CLK1: variants seen among roughly 807,000 people sequenced by gnomAD.
The protein encoded by CLK1 is dual specificity protein kinase CLK1.
Under a neutral mutation model 60.9 loss-of-function variants are expected in CLK1, and 40 were observed. The ratio of observed to expected loss-of-function variants is 0.66; its 90% CI spans 0.51 to 0.86. CLK1 has a LOEUF of 0.86. Ranked by LOEUF, CLK1 falls within the 40% of genes least tolerant of loss-of-function variation. The probability of loss-of-function intolerance (pLI) is 0.00; values close to 1 mark genes in which losing one functional copy is unlikely to be tolerated. For synonymous variants in CLK1, 203 were observed against 184.4 expected (o/e 1.10, Z -0.82); for missense variants, 563 against 606.1 (o/e 0.93, Z 0.75).
intron 4 of CLK1, 116 bp downstream of exon 4, chr2:200,860,009 A>C (rs1039770279): frequency 4.7e-5 from 69 of 1,479,024 alleles, no homozygotes; most frequent in Non-Finnish European, 6.2e-5. Context: ...GAAATGGAAA[A>C]ATAAAACAAA....
intron 1 of CLK1, chr2:200,864,035 C>G: frequency 6.8e-7 from 1 of 1,469,152 alleles, no homozygotes; most frequent in Non-Finnish European, 9.1e-7. Flanking sequence ...GCGATGTTTA[C>G]GCCGACACTT....
Position 200,853,678 on chromosome 2 carries a change from T to TGG in CLK1, c.1311+224_1311+225insCC, listed in dbSNP as rs199669278. ...CAACATAGTAAAACTTGTCTTTACTTGAAAAAAAAAAAAAAAAAAAAAAAA... is the reference window on the plus strand; with the variant it reads ...CAACATAGTAAAACTTGTCTTTACTTGGGAAAAAAAAAAAAAAAAAAAAAAAA... On this transcript the variant is annotated intron_variant, in intron 12 of 12. Transcript: ENST00000321356. 1.1e-4 allele frequency among the ~76,000 whole-genome samples: 7 copies of TGG among 63,450 alleles called. No individual in the cohort carries two copies. In the East Asian group the frequency reaches 1.6e-3, roughly 15 times the overall value. 41.6% of individuals were successfully genotyped at this position (63,450 alleles called of 152,430 possible).
chr2:200,859,786 GA>G, intron 4 of CLK1, 40 bp from the exon 5 acceptor site: 1 of 1,607,968 alleles, frequency 6.2e-7, no homozygotes. Flanking sequence ...TCAAGAAGTG[GA>G]AACAATGTAC....
chr2:200,860,709 C>T (rs1175483667), intron 3 of CLK1: 1 of 998,458 alleles, frequency 1.0e-6, no homozygotes, highest in Non-Finnish European at 1.2e-6. Context: ...ATTTGGCATA[C>T]AAGAATAACA....
chr2:200,861,793 T>G lies in CLK1; in HGVS notation c.70A>C (p.Ser24Arg), dbSNP rs745708921. Residue 24 changes from serine (S) to arginine (R), a missense_variant, in exon 2 of 13, where the codon AGC (serine) becomes CGC (arginine). By Grantham distance (110) the Ser-to-Arg change is moderately radical. Around this residue, in one of 3 missense-constraint regions of CLK1, gnomAD observed 198 missense variants for 179.2 expected, o/e 1.10. Transcript: ENST00000321356. ...DKDWDYGKWRSSSSHKRRKRS... is the reference protein window; with the variant it reads ...DKDWDYGKWRRSSSHKRRKRS... ...TTCCTTCTTTTATGACTGCTGCTGCTCCTCCATTTTCCATAATCCCAATCC... is the reference window on the plus strand; with the variant it reads ...TTCCTTCTTTTATGACTGCTGCTGCGCCTCCATTTTCCATAATCCCAATCC... 80 of 1,613,864 alleles carry G rather than the reference T, an allele frequency of 5.0e-5. No individual in the cohort carries two copies. The Middle Eastern group carries it at 6.6e-4, about 13-fold the overall frequency.
intron 1 of CLK1, 198 bp downstream of exon 1, chr2:200,864,366 G>A (rs1464139413): frequency 2.5e-5 from 30 of 1,193,848 alleles, no homozygotes; most frequent in Non-Finnish European, 3.1e-5. Flanking sequence ...CCCGCAGGCC[G>A]GATCCGGCGG....
intron 9 of CLK1, among the ~76,000 whole-genome samples, chr2:200,856,338 G>A (rs2039043192): frequency 6.6e-6 from 1 of 152,046 alleles, no homozygotes; most frequent in African/African-American, 2.4e-5. Flanking sequence ...CCAAAGTGCT[G>A]GGATTACAGA....
intron 11 of CLK1, among the ~76,000 whole-genome samples, 179 bp downstream of exon 11, chr2:200,854,437 G>A (rs2039005897): frequency 6.6e-6 from 1 of 151,724 alleles, no homozygotes; most frequent in African/African-American, 2.4e-5. Context: ...TCGGGAGGCT[G>A]AGACAGGAAA....
intron 1 of CLK1, chr2:200,863,248 T>G (rs2039170616): frequency 2.0e-5 from 3 of 152,188 alleles, no homozygotes; most frequent in Admixed American, 2.0e-4. Context: ...TGGACCAGCC[T>G]GAGTATAATT....
Position 200,857,849 on chromosome 2 carries a change from T to A in CLK1, c.701A>T (p.His234Leu). ...TTCAAAAACAATGCAAATGTGACCA[T>A]GATGCTCAAACCATTCCAACATCTG... ...CVQMLEWFEH[H>L]GHICIVFELL... is the part of the protein sequence containing the mutation. The change falls in exon 7 of 13, where the codon CAT (histidine) becomes CTT (leucine). Residue 234 changes from histidine (H) to leucine (L), a missense_variant. Coordinates refer to ENST00000321356, the MANE Select transcript of CLK1 (RefSeq NM_004071.4). 6.2e-7 allele frequency: 1 copy of A among 1,613,774 alleles called. No individual in the cohort carries two copies. Among genetic ancestry groups the A allele is most frequent in the Non-Finnish European group, 8.5e-7 (1 of 1,179,792 alleles).
intron 12 of CLK1, among the ~76,000 whole-genome samples, chr2:200,853,679 G>GAAAAAA (rs34449560): frequency 3.3e-4 from 16 of 49,118 alleles, no homozygotes; most frequent in African/African-American, 1.3e-3. Flanking sequence ...GTCTTTACTT[G>GAAAAAA]AAAAAAAAAA....
chr2:200,853,382 T>C lies in CLK1; in HGVS notation c.1379A>G (p.Tyr460Cys), dbSNP rs1215047372. The C allele has an allele frequency of 6.2e-7, 1 of 1,613,420 alleles. No homozygotes were observed. ...LFDLIQKMLE[Y>C]DPAKRITLRE... ...GAGAGTAATTCTTTTGGCTGGATCATACTCCAACATTTTCTGAATGAGGTC... is the reference window on the plus strand; with the variant it reads ...GAGAGTAATTCTTTTGGCTGGATCACACTCCAACATTTTCTGAATGAGGTC... Residue 460 changes from tyrosine to cysteine, a missense_variant, in exon 13 of 13, where the codon TAT becomes TGT. Tyr to Cys is a radical substitution (Grantham distance 194, BLOSUM62 -2). This residue lies in a region of CLK1 where 360 missense variants were observed against 407.0 expected (regional missense o/e 0.88). Transcript: ENST00000321356.
chr2:200,853,138 G>A lies in CLK1; in HGVS notation c.*168C>T, dbSNP rs1162964844. The A allele has an allele frequency of 4.2e-6, 2 of 475,764 alleles. No individual in the cohort carries two copies. Among genetic ancestry groups the A allele is most frequent in the African/African-American group, 4.0e-5 (2 of 49,842 alleles). 29.5% of individuals were successfully genotyped at this position (475,764 alleles called of 1,614,324 possible). A position where few individuals can be genotyped will look rare whatever the true frequency, so the allele number is the denominator to read the frequency against. ...TCACTTTACAATTACTGAAAAAGAT[G>A]TTCATTACCTTAGCTATGTACTTAA... is the stretch of plus-strand genomic sequence containing the variant. On this transcript the variant is annotated 3_prime_UTR_variant, in exon 13 of 13. Transcript: ENST00000321356.
intron 12 of CLK1, among the ~76,000 whole-genome samples, chr2:200,853,681 A>G (rs916246291): frequency 5.0e-4 from 26 of 52,240 alleles, no homozygotes; most frequent in Admixed American, 8.9e-4. Flanking sequence ...CTTTACTTGA[A>G]AAAAAAAAAA....
chr2:200,853,236 A>T lies in CLK1; in HGVS notation c.*70T>A. 1 of 1,189,354 alleles carries T rather than the reference A, an allele frequency of 8.4e-7. No homozygotes were observed. The allele number at this position is 1,189,354 out of a possible 1,614,324, so 73.7% of individuals were successfully genotyped here. A position where few individuals can be genotyped will look rare whatever the true frequency, so the allele number is the denominator to read the frequency against. Reference sequence around the variant, plus strand: ...AAGAATTTACAAAGCTGTACAAAATAACTTAAAATTTAAAAATTAGACTGA... The same window carrying T: ...AAGAATTTACAAAGCTGTACAAAATTACTTAAAATTTAAAAATTAGACTGA... On this transcript the variant is annotated 3_prime_UTR_variant, in exon 13 of 13. Transcript: ENST00000321356.
chr2:200,853,643 C>A (rs2038984612), intron 12 of CLK1, among the ~76,000 whole-genome samples, 194 bp from the exon 13 acceptor site: 1 of 138,688 alleles, frequency 7.2e-6, no homozygotes, highest in African/African-American at 2.7e-5. Context: ...GAGTTCAAGA[C>A]CAGCCAGGCC....
intron 3 of CLK1, 39 bp from the exon 4 acceptor site, chr2:200,860,254 C>A (rs748495822): frequency 6.2e-7 from 1 of 1,613,492 alleles, no homozygotes; most frequent in East Asian, 2.2e-5. Context: ...ATCATCCAGC[C>A]AATCAATATA....
intron 5 of CLK1, 148 bp downstream of exon 5, chr2:200,859,532 A>G: frequency 1.8e-6 from 1 of 547,324 alleles, no homozygotes; most frequent in Non-Finnish European, 3.3e-6. Flanking sequence ...TGAAGGGGCA[A>G]GTACCTCTTA....
intron 5 of CLK1, 57 bp downstream of exon 5, chr2:200,859,623 A>C: frequency 7.1e-7 from 1 of 1,417,000 alleles, no homozygotes; most frequent in Non-Finnish European, 9.9e-7. Context: ...TCTAAAGCTA[A>C]ATCAATTACC....
Sources: gnomAD v4.1 joint callset for allele counts (sites outside exome capture counted in the v4.1 genomes callset) on GRCh38, gnomAD v4.1.1 for gene constraint, gnomAD v4.1.1 regional missense constraint, MANE v1.5 for transcripts, NCBI Gene and HGNC (gene_info 2026-07-23, HGNC 2026-07-21) for gene names.